The following DGKI variants were observed in gnomAD, a reference collection of about 807,000 sequenced individuals.
DGKI encodes the protein diacylglycerol kinase iota, also known as DAG kinase iota.
Under a neutral mutation model 147.5 loss-of-function variants are expected in DGKI, and 55 were observed. The observed-to-expected ratio is 0.37, with a 90% CI of 0.30 to 0.47. The LOEUF is 0.47. DGKI is among the 20% of genes least tolerant of loss of function. DGKI has a pLI of 1.00. For missense variants in DGKI, 1,007 were observed against 1,323.8 expected (o/e 0.76, Z 3.71); for synonymous variants, 469 against 477.1 (o/e 0.98, Z 0.22).
chr7:137,663,984 C>T (rs571036876), intron 3 of DGKI, among the ~76,000 whole-genome samples: 5 of 152,238 alleles, frequency 3.3e-5, no homozygotes, highest in South Asian at 2.1e-4. Context: ...AAACCCCCAC[C>T]GGGACATAGA....
intron 1 of DGKI, among the ~76,000 whole-genome samples, chr7:137,773,463 G>A (rs1161768546): frequency 6.6e-6 from 1 of 152,190 alleles, no homozygotes; most frequent in East Asian, 1.9e-4. Context: ...GAAACCTGGT[G>A]ACTCTGAGGG....
chr7:137,418,093 T>A (rs1812426133), intron 28 of DGKI, among the ~76,000 whole-genome samples: 1 of 152,208 alleles, frequency 6.6e-6, no homozygotes, highest in South Asian at 2.1e-4. Flanking sequence ...ATCATGGAGT[T>A]ACATTTTGGC....
intron 1 of DGKI, among the ~76,000 whole-genome samples, chr7:137,791,206 TCTC>T (rs1400790844): frequency 6.6e-6 from 1 of 152,134 alleles, no homozygotes; most frequent in Non-Finnish European, 1.5e-5. Flanking sequence ...CCACTCTATT[TCTC>T]CTCCTATATC....
rs558230503 is a variant in DGKI at position 137,574,636 on chromosome 7, T to A, written c.1762-1798A>T. ...GTATACTGCTTTACAGAGATTTTTT[T>A]ATATATTATTGCAATAAACTGTGCA... On this transcript the variant is annotated intron_variant, in intron 17 of 32. Coordinates refer to ENST00000614521, the MANE Select transcript of DGKI (RefSeq NM_001321708.2). 2.4e-4 allele frequency among the ~76,000 whole-genome samples: 37 copies of A among 152,328 alleles called. 1 individual carries two copies. Among genetic ancestry groups the A allele is most frequent in the African/African-American group, 8.7e-4 (36 of 41,584 alleles).
chr7:137,758,101 C>T (rs1795744397), intron 1 of DGKI, among the ~76,000 whole-genome samples: 1 of 152,184 alleles, frequency 6.6e-6, no homozygotes, highest in Admixed American at 6.5e-5. Context: ...GCTATACATG[C>T]TTATTTGGAA....
At chr7:137,510,877 G>A (rs946013855) in intron 21 of DGKI, among the ~76,000 whole-genome samples, 4 of 152,226 alleles carry the variant, frequency 2.6e-5, no homozygotes, top group Non-Finnish European at 4.4e-5. Flanking sequence ...CAGCTTCTAT[G>A]AGGAGATGTG....
At chr7:137,772,635 A>T (rs529386278) in intron 1 of DGKI, among the ~76,000 whole-genome samples, 1 of 152,224 alleles carries the variant, frequency 6.6e-6, no homozygotes, top group South Asian at 2.1e-4. Context: ...CATCACATGT[A>T]TTGCTAATTC....
chr7:137,670,207 C>T (rs577847989), intron 3 of DGKI, among the ~76,000 whole-genome samples: 1 of 152,264 alleles, frequency 6.6e-6, no homozygotes, highest in South Asian at 2.1e-4. Flanking sequence ...ATGGGCTGTG[C>T]AAATAGACAA....
chr7:137,549,587 G>A (rs1480452553), intron 20 of DGKI, among the ~76,000 whole-genome samples: 1 of 152,210 alleles, frequency 6.6e-6, no homozygotes, highest in East Asian at 1.9e-4. Flanking sequence ...GCAAAGACAG[G>A]AAGGCAGGAA....
chr7:137,729,857 T>C (rs865969575), intron 1 of DGKI, among the ~76,000 whole-genome samples: 44 of 152,090 alleles, frequency 2.9e-4, no homozygotes, highest in African/African-American at 1.0e-3. Context: ...CCTTAATGGT[T>C]CCATGTTCAC....
intron 2 of DGKI, among the ~76,000 whole-genome samples, chr7:137,688,441 T>A (rs561810309): frequency 6.6e-6 from 1 of 152,330 alleles, no homozygotes; most frequent in Non-Finnish European, 1.5e-5. Flanking sequence ...ATTATCCCCA[T>A]CTACAGATGA....
chr7:137,737,512 T>TAA (rs11435717), intron 1 of DGKI, among the ~76,000 whole-genome samples: 40 of 146,650 alleles, frequency 2.7e-4, no homozygotes, highest in African/African-American at 3.5e-4. Context: ...TTCGTTTTAT[T>TAA]AAAAAAAAAA....
intron 1 of DGKI, among the ~76,000 whole-genome samples, chr7:137,693,451 T>C (rs186229035): frequency 6.6e-6 from 1 of 152,328 alleles, no homozygotes; most frequent in African/African-American, 2.4e-5. Context: ...AAATATCCTA[T>C]AATGCAGTTT....
At chr7:137,517,014 T>C (rs1003064447) in intron 21 of DGKI, among the ~76,000 whole-genome samples, 1 of 151,774 alleles carries the variant, frequency 6.6e-6, no homozygotes, top group Admixed American at 6.6e-5. Context: ...AGGGATGTCA[T>C]GTGTATATCA....
intron 1 of DGKI, among the ~76,000 whole-genome samples, chr7:137,781,045 G>A (rs1796502794): frequency 6.6e-6 from 1 of 152,240 alleles, no homozygotes; most frequent in Non-Finnish European, 1.5e-5. Flanking sequence ...CATCAGACAT[G>A]ATAGCATCTA....
chr7:137,478,322 C>T (rs571500617), intron 23 of DGKI, among the ~76,000 whole-genome samples: 1 of 152,304 alleles, frequency 6.6e-6, no homozygotes, highest in South Asian at 2.1e-4. Context: ...ACTTTTTATG[C>T]TCGCACATTC....
At chr7:137,838,450 T>A (rs796126017) in intron 1 of DGKI, among the ~76,000 whole-genome samples, 8 of 152,318 alleles carry the variant, frequency 5.3e-5, no homozygotes, top group African/African-American at 1.4e-4. Context: ...CGCTTCCACA[T>A]AAGCTTATGT....
chr7:137,576,950 C>G (rs922014622), intron 17 of DGKI, among the ~76,000 whole-genome samples: 1 of 152,132 alleles, frequency 6.6e-6, no homozygotes, highest in Non-Finnish European at 1.5e-5. Flanking sequence ...GGTTGAATAA[C>G]AGTTTTATTG....
intron 6 of DGKI, among the ~76,000 whole-genome samples, chr7:137,638,460 ATG>A (rs769902492): frequency 0.012 from 588 of 50,632 alleles, 18 homozygotes; most frequent in African/African-American, 0.028. Flanking sequence ...ACACATATAT[ATG>A]TGTGTATATA....
Sources: gnomAD v4.1 joint callset for allele counts (sites outside exome capture counted in the v4.1 genomes callset) on GRCh38, gnomAD v4.1.1 for gene constraint, MANE v1.5 for transcripts, NCBI Gene and HGNC (gene_info 2026-07-23, HGNC 2026-07-21) for gene names.